Variants in ANKIB1 observed in about 807,000 individuals in gnomAD.
ANKIB1 encodes the protein ankyrin repeat and IBR domain containing 1.
ANKIB1 carries 43 observed loss-of-function variants against 122.1 expected under a neutral mutation model. That is an observed-to-expected ratio of 0.35 (90% CI 0.28 to 0.45). The LOEUF is 0.45. Ranked by LOEUF, ANKIB1 falls within the 20% of genes least tolerant of loss-of-function variation. The pLI is 1.00. For missense variants in ANKIB1, 992 were observed against 1,329.5 expected, an observed-to-expected ratio of 0.75 and a Z score of 3.95; for synonymous variants, 390 against 442.0, an observed-to-expected ratio of 0.88 and a Z score of 1.48.
In ANKIB1 at chr7:92,398,441, G is replaced by A. The variant is rs765947001; in HGVS notation, c.2762G>A (p.Ser921Asn). The A allele has an allele frequency of 6.2e-7, 1 of 1,613,842 alleles. No homozygotes were observed. Among genetic ancestry groups the A allele is most frequent in the Admixed American group, 1.7e-5 (1 of 59,996 alleles). ...TCTGAGCTTTTGGAACTTGGTGACA[G>A]CCTCATGAGACTAGGAGCAGAGAAT... ...SSSELLELGDSLMRLGAENDP... is the reference protein window; with the variant it reads ...SSSELLELGDNLMRLGAENDP... The change falls in exon 20 of 20, where the codon AGC becomes AAC. Residue 921 changes from serine to asparagine, a missense_variant. Physicochemically the swap from Ser to Asn is conservative, Grantham distance 46. Coordinates refer to ENST00000265742, the MANE Select transcript of ANKIB1 (RefSeq NM_019004.2).
intron 1 of ANKIB1, among the ~76,000 whole-genome samples, chr7:92,259,077 C>A (rs1048013373): frequency 1.5e-4 from 23 of 152,136 alleles, no homozygotes; most frequent in African/African-American, 5.1e-4. Context: ...TCTCAGCCTC[C>A]TGAGTAGCTG....
intron 1 of ANKIB1, among the ~76,000 whole-genome samples, chr7:92,294,094 T>C (rs1465661966): frequency 1.3e-5 from 2 of 152,200 alleles, no homozygotes; most frequent in Non-Finnish European, 2.9e-5. Flanking sequence ...TTGAACTTCA[T>C]GTCCAGTGTT....
chr7:92,299,832 G>T (rs1478312072), intron 2 of ANKIB1, among the ~76,000 whole-genome samples: 1 of 151,990 alleles, frequency 6.6e-6, no homozygotes, highest in Admixed American at 6.6e-5. Flanking sequence ...TCTGAGACAG[G>T]GTCTTGCTCT....
At chr7:92,273,636 G>T (rs1801842455) in intron 1 of ANKIB1, among the ~76,000 whole-genome samples, 1 of 152,202 alleles carries the variant, frequency 6.6e-6, no homozygotes, top group African/African-American at 2.4e-5. Context: ...TGGAAGATGG[G>T]TTATTATAGT....
At chr7:92,308,594 A>G (rs1257424370) in intron 3 of ANKIB1, among the ~76,000 whole-genome samples, 1 of 152,098 alleles carries the variant, frequency 6.6e-6, no homozygotes, top group Non-Finnish European at 1.5e-5. Flanking sequence ...ATTATACTGT[A>G]ATTTTTCCAT....
At chr7:92,381,146 T>G (rs1804503411) in intron 11 of ANKIB1, among the ~76,000 whole-genome samples, 1 of 151,990 alleles carries the variant, frequency 6.6e-6, no homozygotes, top group Admixed American at 6.6e-5. Context: ...TATCAGTGAT[T>G]GAAGATCAAA....
chr7:92,254,078 C>T (rs1223950867), intron 1 of ANKIB1, among the ~76,000 whole-genome samples: 1 of 152,148 alleles, frequency 6.6e-6, no homozygotes, highest in Admixed American at 6.5e-5. Flanking sequence ...TGCAGGAGAA[C>T]CAAGATACCC....
At chr7:92,251,622 C>T (rs1801332582) in intron 1 of ANKIB1, among the ~76,000 whole-genome samples, 1 of 151,498 alleles carries the variant, frequency 6.6e-6, no homozygotes, top group East Asian at 1.9e-4. Flanking sequence ...CATTGCCTGC[C>T]CTCTCTCTCT....
At chr7:92,362,089 G>T (rs1803961936) in intron 9 of ANKIB1, 96 bp from the exon 10 acceptor site, 1 of 1,129,660 alleles carries the variant, frequency 8.9e-7, no homozygotes, top group African/African-American at 1.6e-5. Flanking sequence ...GGGATTACAG[G>T]CATGAGCCAC....
At chr7:92,366,776 A>G (rs1804095295) in intron 10 of ANKIB1, among the ~76,000 whole-genome samples, 1 of 152,230 alleles carries the variant, frequency 6.6e-6, no homozygotes, top group South Asian at 2.1e-4. Flanking sequence ...AGAGGGAGAT[A>G]CCAAGGCCAA....
At chr7:92,301,241 T>TAAC in intron 2 of ANKIB1, among the ~76,000 whole-genome samples, 1 of 152,338 alleles carries the variant, frequency 6.6e-6, no homozygotes, top group Non-Finnish European at 1.5e-5. Flanking sequence ...ATGGTAGTTC[T>TAAC]GTTTTTAATG....
chr7:92,354,788 T>C (rs1042747239), intron 9 of ANKIB1, among the ~76,000 whole-genome samples: 3 of 152,222 alleles, frequency 2.0e-5, no homozygotes, highest in African/African-American at 7.2e-5. Context: ...CTGTTGCTCT[T>C]ATCTCTTATT....
intron 5 of ANKIB1, among the ~76,000 whole-genome samples, chr7:92,339,005 G>A (rs1174932778): frequency 1.7e-5 from 2 of 117,614 alleles, no homozygotes; most frequent in Admixed American, 1.8e-4. Context: ...TTATGCTTAT[G>A]CAAGGACACA....
At chr7:92,257,875 A>G (rs4727270) in intron 1 of ANKIB1, among the ~76,000 whole-genome samples, 22,285 of 152,190 alleles carry the variant, frequency 0.15, 2,048 homozygotes, top group East Asian at 0.38. Flanking sequence ...CAACTATTGA[A>G]ACTCAGGCCT....
At chr7:92,395,205 A>T (rs912368462) in intron 17 of ANKIB1, among the ~76,000 whole-genome samples, 15 of 152,284 alleles carry the variant, frequency 9.9e-5, no homozygotes, top group African/African-American at 3.4e-4. Flanking sequence ...TCTGGTGATA[A>T]CAAACTAACT....
chr7:92,305,960 T>A (rs1802550134), intron 2 of ANKIB1, among the ~76,000 whole-genome samples: 2 of 152,126 alleles, frequency 1.3e-5, no homozygotes, highest in Non-Finnish European at 1.5e-5. Flanking sequence ...AACCGAGAGA[T>A]GCTAGTCTTA....
intron 7 of ANKIB1, among the ~76,000 whole-genome samples, chr7:92,348,942 T>C (rs1412886915): frequency 2.0e-5 from 3 of 152,184 alleles, no homozygotes; most frequent in Non-Finnish European, 4.4e-5. Flanking sequence ...GAAGAGGTGA[T>C]AGCAGCCAGA....
At chr7:92,319,560 A>G in intron 4 of ANKIB1, 48 bp downstream of exon 4, 2 of 1,543,644 alleles carry the variant, frequency 1.3e-6, no homozygotes, top group South Asian at 1.2e-5. Flanking sequence ...GTAATTTTAG[A>G]TTTTATGTTG....
At chr7:92,396,197 C>A in intron 17 of ANKIB1, 168 bp from the exon 18 acceptor site, 1 of 597,116 alleles carries the variant, frequency 1.7e-6, no homozygotes. Flanking sequence ...TCCATTTTAC[C>A]TTTTGTGTTT....
Sources: gnomAD v4.1 joint callset for allele counts (sites outside exome capture counted in the v4.1 genomes callset) on GRCh38, gnomAD v4.1.1 for gene constraint, MANE v1.5 for transcripts, NCBI Gene and HGNC (gene_info 2026-07-23, HGNC 2026-07-21) for gene names.